Variants in ZKSCAN7 observed in about 807,000 individuals in gnomAD.
The protein encoded by ZKSCAN7 is zinc finger protein with KRAB and SCAN domains 7.
In ZKSCAN7, 38 loss-of-function variants were observed where a neutral mutation model predicts 65.3. The ratio of observed to expected loss-of-function variants is 0.58; its 90% confidence interval spans 0.45 to 0.76. ZKSCAN7 has a LOEUF of 0.76. Ranked by LOEUF, ZKSCAN7 falls within the 30% of genes least tolerant of loss-of-function variation. The pLI, the probability that ZKSCAN7 is intolerant of heterozygous loss-of-function variation, is 0.00. For missense variants in ZKSCAN7, 815 were observed against 913.3 expected (o/e 0.89, Z 1.39); for synonymous variants, 321 against 321.0 (o/e 1.00, Z 0.00).
chr3:44,577,223 C>T (rs183344906), intron 5 of ZKSCAN7, among the ~76,000 whole-genome samples: 4 of 152,246 alleles, frequency 2.6e-5, no homozygotes, highest in East Asian at 3.9e-4. Context: ...CTGCTTTGGC[C>T]TCCCAAAGTG....
intron 5 of ZKSCAN7, chr3:44,578,272 G>C (rs762512473): frequency 3.8e-6 from 6 of 1,571,994 alleles, no homozygotes; most frequent in South Asian, 3.3e-5. Flanking sequence ...CCTTGAGGGA[G>C]CTAATCTCCT....
At chr3:44,578,595 G>A (rs1481577515) in intron 5 of ZKSCAN7, among the ~76,000 whole-genome samples, 4 of 152,186 alleles carry the variant, frequency 2.6e-5, no homozygotes, top group African/African-American at 7.2e-5. Flanking sequence ...TGCACCGACT[G>A]CAGCTCCTCC....
At chr3:44,556,418 G>A (rs536007171) in intron 1 of ZKSCAN7, among the ~76,000 whole-genome samples, 1 of 152,306 alleles carries the variant, frequency 6.6e-6, no homozygotes, top group African/African-American at 2.4e-5. Flanking sequence ...TGTGTCTCTA[G>A]AGCTTTAGCT....
chr3:44,565,425 G>T, intron 2 of ZKSCAN7, 62 bp from the exon 3 acceptor site: 1 of 1,479,462 alleles, frequency 6.8e-7, no homozygotes. Context: ...CTGCTTAGAG[G>T]TTTTGGGTTC....
chr3:44,565,386 C>G (rs910831706), intron 2 of ZKSCAN7, 101 bp from the exon 3 acceptor site: 2 of 1,264,482 alleles, frequency 1.6e-6, no homozygotes, highest in Non-Finnish European at 2.1e-6. Context: ...CCTGGCTCTT[C>G]TTTTCCCTGG....
chr3:44,570,825 T>C lies in ZKSCAN7; in HGVS notation c.1715T>C (p.Leu572Pro), dbSNP rs771910702. ...AAATGTCTTATTCGACATCAGAGCC[T>C]CCATACTGGGGAAAAGCCATACAAA... is the stretch of plus-strand genomic sequence containing the variant. Reference protein sequence around the residue: ...RSKCLIRHQSLHTGEKPYKCS... With the variant: ...RSKCLIRHQSPHTGEKPYKCS... The change falls in exon 6 of 6, where the codon CTC becomes CCC. Residue 572 changes from leucine to proline, a missense_variant. This residue lies in a region of ZKSCAN7 where 578 missense variants were observed against 629.5 expected (regional missense o/e 0.92). Transcript: ENST00000426540. The C allele has an allele frequency of 6.2e-7, 1 of 1,614,148 alleles. No homozygotes were observed. The highest frequency in any genetic ancestry group is 1.3e-5 in the African/African-American group (1 of 75,032).
At position 44,565,781 on chromosome 3, in the gene ZKSCAN7, C is replaced by T. The variant is rs530355372; in HGVS notation, c.592+126C>T. The T allele has an allele frequency of 1.9e-4, 185 of 999,580 alleles. No homozygotes were observed. In the Middle Eastern group the frequency reaches 2.0e-3, roughly 11 times the overall value. The allele number at this position is 999,580 out of a possible 1,614,324, so 61.9% of individuals were successfully genotyped here. A position where few individuals can be genotyped will look rare whatever the true frequency, so the allele number is the denominator to read the frequency against. ...ATTGCTCTGCTGTCTGTCCTTCTTC[C>T]CTAGTGACCCTGTTTGTTCCTTTTG... On this transcript the variant is annotated intron_variant, in intron 3 of 5. Transcript: ENST00000426540.
chr3:44,572,444 G>A (rs2125727653), downstream of ZKSCAN7, among the ~76,000 whole-genome samples: 1 of 151,964 alleles, frequency 6.6e-6, no homozygotes, highest in African/African-American at 2.4e-5. Context: ...GAATGTGTGT[G>A]TATCTAGGTA....
intron 5 of ZKSCAN7, among the ~76,000 whole-genome samples, chr3:44,581,564 G>A (rs1700087850): frequency 6.6e-6 from 1 of 152,144 alleles, no homozygotes; most frequent in Non-Finnish European, 1.5e-5. Context: ...TCCTGAAGTG[G>A]AAAAGTTTTG....
Position 44,565,651 on chromosome 3 carries a change from C to T in ZKSCAN7, c.588C>T (p.Asp196=), listed in dbSNP as rs773688585. 1.3e-6 allele frequency: 2 copies of T among 1,592,796 alleles called. No homozygotes were observed. Among genetic ancestry groups the T allele is most frequent in the South Asian group, 1.1e-5 (1 of 87,606 alleles). ...DPGTHHLPSG[D]FAQCTSPVPT... ...GGACACACCACCTCCCCAGTGGGGA[C>T]TTCGGTACTTATCTCCCCAGCTTTG... is the stretch of plus-strand genomic sequence containing the variant. The change falls in exon 3 of 6, where the codon GAC becomes GAT. Residue 196 remains aspartate (D), a synonymous_variant. Coordinates refer to ENST00000426540, the MANE Select transcript of ZKSCAN7 (RefSeq NM_001288590.2).
downstream of ZKSCAN7, among the ~76,000 whole-genome samples, chr3:44,574,356 C>G (rs1005391585): frequency 6.6e-6 from 1 of 152,110 alleles, no homozygotes; most frequent in Non-Finnish European, 1.5e-5. Flanking sequence ...TCAAGCGGTC[C>G]GCCTGTCTTG....
chr3:44,570,633 A>C lies in ZKSCAN7; in HGVS notation c.1523A>C (p.Lys508Thr). The change falls in exon 6 of 6, where the codon AAA (lysine) becomes ACA (threonine). Residue 508 changes from lysine to threonine, a missense_variant. Physicochemically the swap from Lys to Thr is moderately conservative, Grantham distance 78. Transcript: ENST00000426540. ...NECGEAFIRSKSLARHQVLHT... is the reference protein window; with the variant it reads ...NECGEAFIRSTSLARHQVLHT... ...TGTGGAGAGGCATTCATTCGAAGCA[A>C]AAGTCTTGCTCGACATCAGGTCCTG... 1.2e-6 allele frequency: 2 copies of C among 1,613,874 alleles called. No homozygotes were observed. The highest frequency in any genetic ancestry group is 2.2e-5 in the South Asian group (2 of 91,072).
intron 3 of ZKSCAN7, among the ~76,000 whole-genome samples, chr3:44,567,065 A>G (rs1699652385): frequency 6.6e-6 from 1 of 151,966 alleles, no homozygotes; most frequent in South Asian, 2.1e-4. Context: ...TCAGTGAGGC[A>G]TGATCATGCC....
intron 4 of ZKSCAN7, 66 bp from the exon 5 acceptor site, chr3:44,568,241 G>T: frequency 6.3e-7 from 1 of 1,580,402 alleles, no homozygotes; most frequent in Admixed American, 1.8e-5. Context: ...TGTGCCCTTC[G>T]TACCCCTGAT....
At chr3:44,564,411 C>T (rs771071446) in intron 2 of ZKSCAN7, among the ~76,000 whole-genome samples, 7 of 152,156 alleles carry the variant, frequency 4.6e-5, no homozygotes, top group African/African-American at 9.7e-5. Flanking sequence ...TAATTGAACA[C>T]CATTGTAGGG....
At chr3:44,581,034 G>C in intron 5 of ZKSCAN7, 2 of 1,481,462 alleles carry the variant, frequency 1.4e-6, no homozygotes, top group Non-Finnish European at 1.8e-6. Flanking sequence ...CATGGTCGGC[G>C]CGGCGGCGGC....
chr3:44,574,069 A>G (rs1202458402), downstream of ZKSCAN7, among the ~76,000 whole-genome samples: 1 of 152,126 alleles, frequency 6.6e-6, no homozygotes, highest in East Asian at 1.9e-4. Context: ...TTTTAGTTTC[A>G]TTTTCTAGGT....
chr3:44,580,624 T>C, intron 5 of ZKSCAN7: 8 of 1,613,906 alleles, frequency 5.0e-6, no homozygotes, highest in Non-Finnish European at 6.8e-6. Flanking sequence ...ACGATCTCCT[T>C]GGTCTCCGCC....
At position 44,555,425 on chromosome 3, in the gene ZKSCAN7, C is replaced by G. The variant is rs1699261909; in HGVS notation, c.-175C>G. 6.6e-6 allele frequency: 1 copy of G among 152,300 alleles called. No homozygotes were observed. The highest frequency in any genetic ancestry group is 2.4e-5 in the African/African-American group (1 of 41,470). The allele number at this position is 152,300 out of a possible 1,614,324, so 9.4% of individuals were successfully genotyped here. A position where few individuals can be genotyped will look rare whatever the true frequency, so the allele number is the denominator to read the frequency against. ...TGTCTCATACCCCTGACCATTCGTG[C>G]GTGGCACGGAGCCGGGTATCTGCGG... On this transcript the variant is annotated 5_prime_UTR_variant, in exon 1 of 6. Coordinates refer to ENST00000426540, the MANE Select transcript of ZKSCAN7 (RefSeq NM_001288590.2).
Sources: gnomAD v4.1 joint callset for allele counts (sites outside exome capture counted in the v4.1 genomes callset) on GRCh38, gnomAD v4.1.1 for gene constraint, gnomAD v4.1.1 regional missense constraint, MANE v1.5 for transcripts, NCBI Gene and HGNC (gene_info 2026-07-23, HGNC 2026-07-21) for gene names.